The following ELK3 variants were observed in gnomAD, a reference collection of about 807,000 sequenced individuals.
ELK3 encodes ETS transcription factor ELK3, also known as ETS domain-containing protein Elk-3.
In ELK3, 10 loss-of-function variants were observed where a neutral mutation model predicts 28.9. The ratio of observed to expected loss-of-function variants is 0.35; its 90% CI spans 0.21 to 0.59. The LOEUF is 0.59. Ranked by LOEUF, ELK3 falls within the 20% of genes least tolerant of loss-of-function variation. The pLI is 0.82. For missense variants in ELK3, 463 were observed against 517.3 expected (o/e 0.90, Z 1.02); for synonymous variants, 272 against 243.5 (o/e 1.12, Z -1.09).
In ELK3 at chr12:96,268,780, TTC is replaced by T. The variant is rs1170785531; in HGVS notation, c.*1602_*1603del. ...AGACTATTGCTTTGACACTTAGAAA[TTC>T]TGAGGTTTTTCAATTGGAATTGAGC... On this transcript the variant is annotated 3_prime_UTR_variant, in exon 5 of 5. Coordinates refer to ENST00000228741, the MANE Select transcript of ELK3 (RefSeq NM_005230.4). The T allele has an allele frequency of 6.6e-6, 1 of 152,158 alleles. No individual in the cohort carries two copies. Among genetic ancestry groups the T allele is most frequent in the Non-Finnish European group, 1.5e-5 (1 of 68,024 alleles). The allele number at this position is 152,158 out of a possible 1,614,324, so 9.4% of individuals were successfully genotyped here.
chr12:96,259,435 G>A (rs1406290052), intron 3 of ELK3, among the ~76,000 whole-genome samples: 1 of 151,990 alleles, frequency 6.6e-6, no homozygotes, highest in Admixed American at 6.6e-5. Flanking sequence ...AATCCCAGCT[G>A]CTTGGGAGGC....
At chr12:96,243,024 C>T (rs1357875417) in intron 2 of ELK3, among the ~76,000 whole-genome samples, 1 of 152,220 alleles carries the variant, frequency 6.6e-6, no homozygotes, top group Non-Finnish European at 1.5e-5. Context: ...CTGAAGGGCC[C>T]TTCCCAGTGT....
intron 1 of ELK3, among the ~76,000 whole-genome samples, chr12:96,206,319 A>C: frequency 6.6e-6 from 1 of 151,134 alleles, no homozygotes; most frequent in African/African-American, 2.4e-5. Flanking sequence ...CCTTTTATTT[A>C]TTTATTTTTT....
intron 2 of ELK3, among the ~76,000 whole-genome samples, chr12:96,225,172 C>A (rs1338613435): frequency 6.6e-6 from 1 of 152,216 alleles, no homozygotes; most frequent in Admixed American, 6.5e-5. Flanking sequence ...ACTGGGGCCG[C>A]TGAAGGAAAA....
At chr12:96,238,862 C>T (rs908234604) in intron 2 of ELK3, among the ~76,000 whole-genome samples, 3 of 152,170 alleles carry the variant, frequency 2.0e-5, no homozygotes, top group African/African-American at 7.2e-5. Context: ...GCAGTTAACC[C>T]CACTATTACT....
chr12:96,222,794 T>C (rs1231970833), intron 1 of ELK3: 1 of 152,458 alleles, frequency 6.6e-6, no homozygotes, highest in Non-Finnish European at 1.5e-5. Flanking sequence ...GACTGTATAA[T>C]TTATAAAGAA....
intron 4 of ELK3, among the ~76,000 whole-genome samples, chr12:96,261,904 T>A (rs576110638): frequency 6.6e-6 from 1 of 152,238 alleles, no homozygotes; most frequent in Admixed American, 6.5e-5. Flanking sequence ...GACCAATGGT[T>A]CTCAAAGTTA....
chr12:96,223,686 A>C lies in ELK3; in HGVS notation c.120A>C (p.Glu40Asp). 1 of 1,614,180 alleles carries C rather than the reference A, an allele frequency of 6.2e-7. No homozygotes were observed. The highest frequency in any genetic ancestry group is 8.5e-7 in the Non-Finnish European group (1 of 1,180,052). The change falls in exon 2 of 5, where the codon GAA (glutamate) becomes GAC (aspartate). Residue 40 changes from glutamate to aspartate, a missense_variant. Physicochemically the swap from Glu to Asp is conservative, Grantham distance 45 (BLOSUM62 2). This residue lies in a region of ELK3 where 55 missense variants were observed against 102.5 expected (regional missense o/e 0.54). Coordinates refer to ENST00000228741, the MANE Select transcript of ELK3 (RefSeq NM_005230.4). ...DGEFKLLKAE[E>D]VAKLWGLRKN... ...AATTCAAGCTCCTCAAAGCAGAAGA[A>C]GTGGCCAAGCTGTGGGGACTCCGAA...
chr12:96,247,646 T>G lies in ELK3; in HGVS notation c.914T>G (p.Val305Gly), dbSNP rs771508790. The G allele has an allele frequency of 4.3e-6, 7 of 1,612,742 alleles. No homozygotes were observed. Among genetic ancestry groups the G allele is most frequent in the Non-Finnish European group, 5.9e-6 (7 of 1,179,986 alleles). ...TTGGAAATCTCAGCGCCCCCGCTGG[T>G]GCTCTCCGGCACCGACATCGGCTCC... Reference protein sequence around the residue: ...KGLEISAPPLVLSGTDIGSIA... With the variant: ...KGLEISAPPLGLSGTDIGSIA... The change falls in exon 3 of 5, where the codon GTG becomes GGG. Residue 305 changes from valine (V) to glycine (G), a missense_variant. By Grantham distance (109) the Val-to-Gly change is moderately radical. This residue lies in a region of ELK3 where 408 missense variants were observed against 414.8 expected (regional missense o/e 0.98). Transcript: ENST00000228741. The surrounding 1 kb of genome is among the most constrained non-coding windows in gnomAD (Gnocchi z 5.5).
intron 4 of ELK3, among the ~76,000 whole-genome samples, chr12:96,265,599 T>C (rs999563619): frequency 2.6e-5 from 4 of 152,122 alleles, no homozygotes; most frequent in Non-Finnish European, 4.4e-5. Context: ...AGTGGGAGGA[T>C]GGCTGGGAGG....
chr12:96,251,852 G>A (rs1951909635), intron 3 of ELK3, among the ~76,000 whole-genome samples: 1 of 152,262 alleles, frequency 6.6e-6, no homozygotes, highest in African/African-American at 2.4e-5. Context: ...TAACATAAAA[G>A]TGCAAGGTGA....
chr12:96,256,985 A>G (rs1409530752), intron 3 of ELK3, among the ~76,000 whole-genome samples: 2 of 152,134 alleles, frequency 1.3e-5, no homozygotes, highest in African/African-American at 2.4e-5. Flanking sequence ...TGAGGGTCTT[A>G]CTCTTTGCAA....
intron 1 of ELK3, among the ~76,000 whole-genome samples, chr12:96,220,232 C>G (rs897972557): frequency 6.6e-6 from 1 of 152,068 alleles, no homozygotes; most frequent in Non-Finnish European, 1.5e-5. Context: ...TTTCACCTGT[C>G]CTTTTTGTCC....
chr12:96,265,875 C>T (rs1415242972), intron 4 of ELK3, among the ~76,000 whole-genome samples: 1 of 151,946 alleles, frequency 6.6e-6, no homozygotes, highest in Non-Finnish European at 1.5e-5. Flanking sequence ...AGAAAAGAAA[C>T]AAAAACCTTG....
chr12:96,222,495 G>A (rs1051754497), intron 1 of ELK3, among the ~76,000 whole-genome samples: 9 of 152,216 alleles, frequency 5.9e-5, no homozygotes, highest in African/African-American at 2.2e-4. Flanking sequence ...TGAGTGCCGG[G>A]AAAGGGAAGG....
At chr12:96,233,395 T>A (rs1258354035) in intron 2 of ELK3, among the ~76,000 whole-genome samples, 2 of 152,042 alleles carry the variant, frequency 1.3e-5, no homozygotes, top group South Asian at 4.1e-4. Context: ...GAGAGGAAAA[T>A]GGTGATAGGA....
chr12:96,247,653 C>A lies in ELK3; in HGVS notation c.921C>A (p.Ser307=). 6.2e-7 allele frequency: 1 copy of A among 1,612,676 alleles called. No individual in the cohort carries two copies. The highest frequency in any genetic ancestry group is 8.5e-7 in the Non-Finnish European group (1 of 1,179,974). Residue 307 remains serine (S), a synonymous_variant, in exon 3 of 5, where the codon TCC becomes TCA. Coordinates refer to ENST00000228741, the MANE Select transcript of ELK3 (RefSeq NM_005230.4). The surrounding 1 kb of genome is among the most constrained non-coding windows in gnomAD (Gnocchi z 5.5). ...LEISAPPLVL[S]GTDIGSIALN... is the part of the protein sequence containing the mutation. ...TCTCAGCGCCCCCGCTGGTGCTCTC[C>A]GGCACCGACATCGGCTCCATCGCCC...
rs552270818 is a variant in ELK3, at chr12:96,268,096, T to C, written c.*916T>C. On this transcript the variant is annotated 3_prime_UTR_variant, in exon 5 of 5. Coordinates refer to ENST00000228741, the MANE Select transcript of ELK3 (RefSeq NM_005230.4). ...TATTTACTGTGTCAGTATAAGTAAG[T>C]TGGGGTTCCCCTGGAACTATAATTA... 3 of 152,354 alleles carry C rather than the reference T, an allele frequency of 2.0e-5. No individual in the cohort carries two copies. The highest frequency in any genetic ancestry group is 4.8e-5 in the African/African-American group (2 of 41,586). 9.4% of individuals were successfully genotyped at this position (152,354 alleles called of 1,614,324 possible).
chr12:96,224,338 G>T (rs1170961627), intron 2 of ELK3, among the ~76,000 whole-genome samples: 2 of 151,308 alleles, frequency 1.3e-5, no homozygotes, highest in African/African-American at 4.9e-5. Flanking sequence ...ATAGGAGTAG[G>T]AATCCTGTCT....
Sources: allele counts gnomAD v4.1 joint callset (sites outside exome capture counted in the v4.1 genomes callset), GRCh38; gene constraint gnomAD v4.1.1; regional missense constraint gnomAD v4.1.1; non-coding constraint Gnocchi (gnomAD v3.1); transcripts MANE v1.5; gene names NCBI Gene and HGNC (gene_info 2026-07-23, HGNC 2026-07-21).